Variants in PHF21A observed in about 807,000 individuals in gnomAD.
The protein encoded by PHF21A is BHC80a.
Under a neutral mutation model 82.5 loss-of-function variants are expected in PHF21A, and 11 were observed. That is an observed-to-expected ratio of 0.13 (90% CI 0.08 to 0.22). The LOEUF (loss-of-function observed/expected upper bound fraction) is 0.22. Ranked by LOEUF, PHF21A falls within the 10% of genes least tolerant of loss-of-function variation. The pLI is 1.00. For synonymous variants in PHF21A, 297 were observed against 302.8 expected (o/e 0.98, Z 0.20); for missense variants, 579 against 837.8 (o/e 0.69, Z 3.81).
chr11:46,034,268 G>C (rs2095937594), intron 6 of PHF21A, among the ~76,000 whole-genome samples: 1 of 142,118 alleles, frequency 7.0e-6, no homozygotes. Flanking sequence ...ACTTTTCTTA[G>C]AGATTCATAA....
Position 46,076,741 on chromosome 11 carries a change from C to T in PHF21A, c.153+13G>A. The T allele has an allele frequency of 2.5e-6, 4 of 1,604,726 alleles. No homozygotes were observed. The highest frequency in any genetic ancestry group is 3.4e-6 in the Non-Finnish European group (4 of 1,172,948). ...CAACGTTAAAAATATGCCCCCCTCC[C>T]CTTTTCCCCTACCTGTTTCTCACTC... On this transcript the variant is annotated intron_variant, in intron 6 of 18. Transcript: ENST00000676320.
intron 9 of PHF21A, 27 bp downstream of exon 9, chr11:45,969,788 C>T (rs2093649843): frequency 6.8e-7 from 1 of 1,469,672 alleles, no homozygotes; most frequent in African/African-American, 1.4e-5. Flanking sequence ...TCTAACCTAT[C>T]ATTGAGCTTG....
intron 12 of PHF21A, 79 bp downstream of exon 12, chr11:45,950,127 G>T: frequency 8.9e-7 from 1 of 1,125,302 alleles, no homozygotes; most frequent in Non-Finnish European, 1.3e-6. Context: ...TTCTATTCCA[G>T]GAATTCAATC....
intron 10 of PHF21A, among the ~76,000 whole-genome samples, chr11:45,960,605 T>C (rs2093016596): frequency 6.6e-6 from 1 of 152,200 alleles, no homozygotes; most frequent in Non-Finnish European, 1.5e-5. Context: ...TTGTGTAACT[T>C]AACAGAAGTG....
chr11:46,035,259 A>G (rs1218982746), intron 6 of PHF21A, among the ~76,000 whole-genome samples: 1 of 152,188 alleles, frequency 6.6e-6, no homozygotes, highest in Non-Finnish European at 1.5e-5. Flanking sequence ...CCATTTCCTG[A>G]AAAAAATCCA....
intron 18 of PHF21A, 78 bp from the exon 19 acceptor site, chr11:45,934,303 C>T: frequency 1.4e-6 from 2 of 1,386,008 alleles, no homozygotes; most frequent in South Asian, 2.6e-5. Flanking sequence ...AGCAGAGCGC[C>T]TTCTCTCTGC....
intron 14 of PHF21A, 78 bp downstream of exon 14, chr11:45,948,808 G>T: frequency 2.0e-6 from 2 of 978,480 alleles, no homozygotes; most frequent in South Asian, 1.3e-5. Flanking sequence ...CTATAATGAT[G>T]GGAGGAGGGA....
intron 10 of PHF21A, among the ~76,000 whole-genome samples, chr11:45,961,024 T>C (rs1327549977): frequency 6.6e-6 from 1 of 152,186 alleles, no homozygotes; most frequent in Non-Finnish European, 1.5e-5. Flanking sequence ...TCAATTATTA[T>C]CATGCTTGTC....
intron 1 of PHF21A, among the ~76,000 whole-genome samples, chr11:46,112,980 GGT>G (rs2097237479): frequency 6.6e-6 from 1 of 152,174 alleles, no homozygotes; most frequent in Admixed American, 6.5e-5. Context: ...TAAAACACTA[GGT>G]TGTTTCTGAA....
At position 45,969,873 on chromosome 11, in the gene PHF21A, T is replaced by C; in HGVS notation, c.644A>G (p.Lys215Arg). 1 of 1,613,918 alleles carries C rather than the reference T, an allele frequency of 6.2e-7. No individual in the cohort carries two copies. The highest frequency in any genetic ancestry group is 8.5e-7 in the Non-Finnish European group (1 of 1,179,872). The change falls in exon 9 of 19, where the codon AAA becomes AGA. Residue 215 changes from lysine (K) to arginine (R), a missense_variant. By Grantham distance (26) the Lys-to-Arg change is conservative. Around this residue, in one of 3 missense-constraint regions of PHF21A, gnomAD observed 410 missense variants for 642.1 expected, o/e 0.64. Coordinates refer to ENST00000676320, the MANE Select transcript of PHF21A (RefSeq NM_001352027.3). The part of the protein sequence containing the change: ...QVQATPPQPI[K>R]VPQFIPPPRL... ...AGGAGGGGGGATAAACTGTGGTACTTTGATGGGCTGAGGAGGTGTTGCCTG... is the reference window on the plus strand; with the variant it reads ...AGGAGGGGGGATAAACTGTGGTACTCTGATGGGCTGAGGAGGTGTTGCCTG...
At chr11:46,053,765 G>A (rs909682960) in intron 6 of PHF21A, among the ~76,000 whole-genome samples, 16 of 152,074 alleles carry the variant, frequency 1.1e-4, no homozygotes, top group Non-Finnish European at 1.5e-5. Context: ...TCCCTTTGCT[G>A]TTAGCAACTA....
At chr11:45,942,663 G>A (rs1480732250) in intron 15 of PHF21A, among the ~76,000 whole-genome samples, 1 of 152,152 alleles carries the variant, frequency 6.6e-6, no homozygotes, top group Non-Finnish European at 1.5e-5. Flanking sequence ...AAGGAAACAA[G>A]GAAACCTGTC....
At chr11:45,950,161 C>A in intron 12 of PHF21A, 45 bp downstream of exon 12, 2 of 1,416,942 alleles carry the variant, frequency 1.4e-6, no homozygotes, top group South Asian at 1.2e-5. Flanking sequence ...AGGAACAAAG[C>A]TGTGGGCCAG....
chr11:46,103,572 A>G (rs1258162501), intron 1 of PHF21A, among the ~76,000 whole-genome samples: 1 of 152,228 alleles, frequency 6.6e-6, no homozygotes, highest in Non-Finnish European at 1.5e-5. Flanking sequence ...CAATTCACCT[A>G]TAGTAAACAC....
intron 18 of PHF21A, chr11:45,935,173 G>A (rs557626738): frequency 5.5e-5 from 71 of 1,289,778 alleles, no homozygotes; most frequent in Non-Finnish European, 6.6e-5. Context: ...CAGGAAAACC[G>A]GGAAATGCAA....
intron 6 of PHF21A, among the ~76,000 whole-genome samples, chr11:46,015,123 T>G (rs544073759): frequency 6.6e-6 from 1 of 152,348 alleles, no homozygotes; most frequent in South Asian, 2.1e-4. Flanking sequence ...TTTTCATGTT[T>G]GTTGACTGCT....
At chr11:45,947,338 C>T (rs193190178) in intron 14 of PHF21A, among the ~76,000 whole-genome samples, 1 of 152,104 alleles carries the variant, frequency 6.6e-6, no homozygotes, top group African/African-American at 2.4e-5. Context: ...CAGAGAGATA[C>T]AAAACTGCCT....
chr11:46,077,022 G>C (rs1004116656), intron 5 of PHF21A, among the ~76,000 whole-genome samples: 1 of 152,158 alleles, frequency 6.6e-6, no homozygotes, highest in Admixed American at 6.5e-5. Context: ...ACCAAAACAG[G>C]AGCAGCTCCT....
chr11:46,040,449 C>G (rs61882547), intron 6 of PHF21A, among the ~76,000 whole-genome samples: 14,896 of 152,150 alleles, frequency 0.098, 895 homozygotes, highest in African/African-American at 0.17. Context: ...GAGAAAATGT[C>G]TGAATAGTGA....
Sources: allele counts gnomAD v4.1 joint callset (sites outside exome capture counted in the v4.1 genomes callset), GRCh38; gene constraint gnomAD v4.1.1; regional missense constraint gnomAD v4.1.1; transcripts MANE v1.5; gene names NCBI Gene and HGNC (gene_info 2026-07-23, HGNC 2026-07-21).